Variants in NRXN3 observed in about 807,000 individuals in gnomAD.
NRXN3 encodes neurexin 3, also known as neurexin III.
In NRXN3, 32 loss-of-function variants were observed where a neutral mutation model predicts 137.6. That is an observed-to-expected ratio of 0.23 (90% CI 0.18 to 0.31). The LOEUF is 0.31. Among genes scored for constraint, NRXN3 ranks in the 10% least tolerant of loss-of-function variants. NRXN3 has a pLI of 1.00. For synonymous variants in NRXN3, 798 were observed against 784.5 expected (o/e 1.02, Z -0.29); for missense variants, 1,574 against 2,062.5 (o/e 0.76, Z 4.59).
At chr14:78,294,291 A>G (rs2076091070) in intron 3 of NRXN3, among the ~76,000 whole-genome samples, 1 of 152,226 alleles carries the variant, frequency 6.6e-6, no homozygotes, top group Non-Finnish European at 1.5e-5. Context: ...GTGGTGGCTT[A>G]TGCCTGTAAT....
chr14:78,574,732 T>C (rs951416196), intron 4 of NRXN3, among the ~76,000 whole-genome samples: 6 of 152,222 alleles, frequency 3.9e-5, no homozygotes, highest in African/African-American at 1.4e-4. Context: ...TTGTGTCAGA[T>C]GAAACTTTGG....
intron 15 of NRXN3, among the ~76,000 whole-genome samples, chr14:79,029,374 T>A (rs2099603668): frequency 6.6e-6 from 1 of 152,190 alleles, no homozygotes; most frequent in African/African-American, 2.4e-5. Context: ...AACATATTAC[T>A]GTTGTAACTG....
chr14:78,782,676 T>G (rs552909848), intron 8 of NRXN3, among the ~76,000 whole-genome samples: 35 of 152,350 alleles, frequency 2.3e-4, no homozygotes, highest in African/African-American at 8.2e-4. Context: ...GGATGAGGAA[T>G]GAGTTGAATA....
At chr14:78,938,028 G>A (rs1294363226) in intron 10 of NRXN3, among the ~76,000 whole-genome samples, 2 of 152,242 alleles carry the variant, frequency 1.3e-5, no homozygotes, top group East Asian at 3.8e-4. Flanking sequence ...CAGGTAGGCT[G>A]TTGGAATAAC....
At chr14:79,359,841 A>G (rs1380957523) in intron 15 of NRXN3, among the ~76,000 whole-genome samples, 1 of 152,172 alleles carries the variant, frequency 6.6e-6, no homozygotes, top group East Asian at 1.9e-4. Context: ...TGGCAAGGAC[A>G]GTCACCCCCA....
At chr14:78,582,173 G>C (rs1485395192) in intron 4 of NRXN3, among the ~76,000 whole-genome samples, 2 of 152,222 alleles carry the variant, frequency 1.3e-5, no homozygotes, top group Admixed American at 1.3e-4. Flanking sequence ...ACTTCATGAT[G>C]TTGGAGATCT....
intron 15 of NRXN3, among the ~76,000 whole-genome samples, chr14:79,256,981 C>T (rs2076665672): frequency 6.6e-6 from 1 of 152,094 alleles, no homozygotes; most frequent in Admixed American, 6.5e-5. Flanking sequence ...CTTCTTAGTT[C>T]ATCTCTGAAA....
intron 6 of NRXN3, among the ~76,000 whole-genome samples, chr14:78,680,899 A>G (rs2152742012): frequency 6.6e-6 from 1 of 152,278 alleles, no homozygotes; most frequent in African/African-American, 2.4e-5. Flanking sequence ...TGGGCTATGG[A>G]TTGGCAGGAA....
intron 16 of NRXN3, among the ~76,000 whole-genome samples, chr14:79,565,293 A>ATG (rs1339388290): frequency 1.5e-5 from 2 of 130,046 alleles, no homozygotes; most frequent in African/African-American, 6.0e-5. Context: ...ATACGCACAC[A>ATG]TGTGTATATA....
intron 4 of NRXN3, among the ~76,000 whole-genome samples, chr14:78,440,677 C>T (rs890671157): frequency 6.6e-5 from 10 of 151,872 alleles, no homozygotes; most frequent in South Asian, 2.1e-4. Context: ...TCCCTGGGGC[C>T]GAGGCTGCTT....
In NRXN3 at chr14:78,440,118, A is replaced by G. The variant is rs113653175; in HGVS notation, c.757+142258A>G. Among the ~76,000 whole-genome samples the G allele has an allele frequency of 9.2e-3, 1,397 of 152,384 alleles. 10 individuals are homozygous for G. Among genetic ancestry groups the G allele is most frequent in the Middle Eastern group, 0.024 (7 of 294 alleles). ...TTTGTTTTGCTTTTATTGTTAAATA[A>G]TATAAATCTCTTGGCTGCACCACCG... On this transcript the variant is annotated intron_variant, in intron 4 of 20. Coordinates refer to ENST00000335750, the MANE Select transcript of NRXN3 (RefSeq NM_001330195.2).
intron 16 of NRXN3, among the ~76,000 whole-genome samples, chr14:79,583,947 A>G (rs2097742684): frequency 6.6e-6 from 1 of 152,146 alleles, no homozygotes; most frequent in Non-Finnish European, 1.5e-5. Context: ...GAAGTCATGT[A>G]GCTGAGAAGT....
At chr14:78,402,831 G>A (rs2092201777) in intron 4 of NRXN3, among the ~76,000 whole-genome samples, 1 of 152,118 alleles carries the variant, frequency 6.6e-6, no homozygotes, top group African/African-American at 2.4e-5. Flanking sequence ...TGCATGAAAA[G>A]TACTATGAAT....
chr14:79,002,264 T>C (rs1252588306), intron 15 of NRXN3, among the ~76,000 whole-genome samples: 1 of 152,178 alleles, frequency 6.6e-6, no homozygotes, highest in East Asian at 1.9e-4. Flanking sequence ...ACAGGTTTGT[T>C]ACATAGGTAA....
At chr14:79,205,135 T>C (rs886808818) in intron 15 of NRXN3, among the ~76,000 whole-genome samples, 7 of 152,186 alleles carry the variant, frequency 4.6e-5, no homozygotes, top group Non-Finnish European at 7.3e-5. Flanking sequence ...CAAATGGACA[T>C]TGGACAAGGA....
At chr14:78,522,749 T>G (rs1225603052) in intron 4 of NRXN3, among the ~76,000 whole-genome samples, 1 of 152,194 alleles carries the variant, frequency 6.6e-6, no homozygotes, top group Non-Finnish European at 1.5e-5. Context: ...TGATTTTACC[T>G]TTCTGCTAGA....
intron 1 of NRXN3, among the ~76,000 whole-genome samples, 195 bp from the exon 2 acceptor site, chr14:78,242,196 G>A (rs1315289574): frequency 6.6e-6 from 1 of 152,122 alleles, no homozygotes; most frequent in African/African-American, 2.4e-5. Context: ...TGCATCATTA[G>A]GACCTGGTCG....
chr14:79,578,969 A>C (rs1239601884), intron 16 of NRXN3, among the ~76,000 whole-genome samples: 1 of 152,126 alleles, frequency 6.6e-6, no homozygotes, highest in South Asian at 2.1e-4. Flanking sequence ...ATTTTCAGTA[A>C]TAATTATTTA....
chr14:78,223,787 A>G (rs1430341258), intron 1 of NRXN3, among the ~76,000 whole-genome samples: 1 of 152,244 alleles, frequency 6.6e-6, no homozygotes, highest in Non-Finnish European at 1.5e-5. Context: ...GGACAGGATC[A>G]GGAATTCTGA....
Sources: gnomAD v4.1 joint callset for allele counts (sites outside exome capture counted in the v4.1 genomes callset) on GRCh38, gnomAD v4.1.1 for gene constraint, MANE v1.5 for transcripts, NCBI Gene and HGNC (gene_info 2026-07-23, HGNC 2026-07-21) for gene names.